ARCN1: variants seen among roughly 807,000 people sequenced by gnomAD.
ARCN1 encodes the protein archain 1 coat protein complex I subunit delta.
In ARCN1, 5 loss-of-function variants were observed where a neutral mutation model predicts 60.4. That is an observed-to-expected ratio of 0.08 (90% CI 0.04 to 0.17). The LOEUF is 0.17. Ranked by LOEUF, ARCN1 falls within the 10% of genes least tolerant of loss-of-function variation. The pLI, the probability that ARCN1 is intolerant of heterozygous loss-of-function variation, is 1.00. For missense variants in ARCN1, 464 were observed against 626.5 expected (o/e 0.74, Z 2.77); for synonymous variants, 224 against 220.0 (o/e 1.02, Z -0.16).
intron 1 of ARCN1, among the ~76,000 whole-genome samples, chr11:118,574,140 C>T (rs782081634): frequency 1.3e-5 from 2 of 152,002 alleles, no homozygotes; most frequent in Non-Finnish European, 2.9e-5. Context: ...GACATGTGTA[C>T]GTATACATAG....
chr11:118,581,937 G>GACACACACACAC (rs34532442), intron 2 of ARCN1, among the ~76,000 whole-genome samples: 2,265 of 140,776 alleles, frequency 0.016, 63 homozygotes, highest in African/African-American at 0.055. Context: ...CAGACAGACA[G>GACACACACACAC]ACACACACAC....
chr11:118,591,955 T>C (rs1167741816), intron 6 of ARCN1, among the ~76,000 whole-genome samples: 3 of 151,958 alleles, frequency 2.0e-5, no homozygotes, highest in Non-Finnish European at 1.5e-5. Context: ...AGTTTCACTC[T>C]TCCTGCCCAG....
At chr11:118,599,136 AG>A (rs1939095730) in intron 9 of ARCN1, among the ~76,000 whole-genome samples, 1 of 149,860 alleles carries the variant, frequency 6.7e-6, no homozygotes. Flanking sequence ...CTTGTTGCCC[AG>A]GCTGGAGTGC....
chr11:118,579,779 T>G (rs920281582), intron 1 of ARCN1, among the ~76,000 whole-genome samples: 7 of 152,138 alleles, frequency 4.6e-5, no homozygotes, highest in Non-Finnish European at 1.0e-4. Flanking sequence ...AAATAAAGTT[T>G]AATTTAGAAA....
chr11:118,583,984 A>G lies in ARCN1; in HGVS notation c.623A>G (p.Asp208Gly). 1.2e-6 allele frequency: 2 copies of G among 1,614,204 alleles called. No homozygotes were observed. Among genetic ancestry groups the G allele is most frequent in the Non-Finnish European group, 1.7e-6 (2 of 1,180,038 alleles). Residue 208 changes from aspartate to glycine, a missense_variant, in exon 4 of 10, where the codon GAT (aspartate) becomes GGT (glycine). Asp to Gly is a moderately conservative substitution (Grantham distance 94). Transcript: ENST00000264028. ...AMITETIIETDKPKVAPAPAR... is the reference protein window; with the variant it reads ...AMITETIIETGKPKVAPAPAR... ...ATCACAGAGACCATCATTGAAACTG[A>G]TAAACCAAAAGTGGCACCTGCACCA... is the stretch of plus-strand genomic sequence containing the variant.
At chr11:118,585,798 C>G (rs1192044946) in intron 5 of ARCN1, among the ~76,000 whole-genome samples, 2 of 152,164 alleles carry the variant, frequency 1.3e-5, no homozygotes, top group Non-Finnish European at 2.9e-5. Flanking sequence ...CTCGGCCTCA[C>G]AAAGTACTGG....
chr11:118,584,043 G>C (rs368134894), intron 4 of ARCN1, 29 bp downstream of exon 4: 1 of 1,599,890 alleles, frequency 6.3e-7, no homozygotes, highest in Admixed American at 1.7e-5. Flanking sequence ...TAGAATACCA[G>C]GTGAAGGGTG....
At position 118,598,025 on chromosome 11, in the gene ARCN1, A is replaced by C. The variant is rs542640680; in HGVS notation, c.1446+114A>C. On this transcript the variant is annotated intron_variant, in intron 9 of 9. Coordinates refer to ENST00000264028, the MANE Select transcript of ARCN1 (RefSeq NM_001655.5). The stretch of plus-strand genomic sequence containing the variant: ...TGTGGTCAGATAAAGCTCAGAAAAA[A>C]ACTGATGTCTCCTACAGGAATTCCC... 3.2e-5 allele frequency: 30 copies of C among 942,598 alleles called. 1 individual carries two copies. In the South Asian group the frequency reaches 4.7e-4, roughly 15 times the overall value. The allele number at this position is 942,598 out of a possible 1,614,324, so 58.4% of individuals were successfully genotyped here. A position where few individuals can be genotyped will look rare whatever the true frequency, so the allele number is the denominator to read the frequency against.
intron 1 of ARCN1, among the ~76,000 whole-genome samples, chr11:118,574,089 C>T (rs1938424433): frequency 6.6e-6 from 1 of 151,972 alleles, no homozygotes. Flanking sequence ...TGGTAAAGCC[C>T]TACGTGATAT....
chr11:118,580,960 C>T (rs1031258438), intron 1 of ARCN1, among the ~76,000 whole-genome samples: 2 of 152,138 alleles, frequency 1.3e-5, no homozygotes, highest in African/African-American at 4.8e-5. Flanking sequence ...TAGCGAGATA[C>T]TGTCTCTACT....
chr11:118,588,175 G>A (rs1938817863), intron 5 of ARCN1, among the ~76,000 whole-genome samples: 1 of 152,194 alleles, frequency 6.6e-6, no homozygotes, highest in African/African-American at 2.4e-5. Flanking sequence ...ATGCAGAAAT[G>A]TGACTGGGCA....
intron 9 of ARCN1, among the ~76,000 whole-genome samples, chr11:118,599,236 GCA>G (rs1939098293): frequency 6.6e-6 from 1 of 151,780 alleles, no homozygotes; most frequent in Non-Finnish European, 1.5e-5. Context: ...GGGACTACCG[GCA>G]TGCGCCACCA....
At chr11:118,578,823 A>AGG (rs1938581899) in intron 1 of ARCN1, among the ~76,000 whole-genome samples, 4 of 144,764 alleles carry the variant, frequency 2.8e-5, no homozygotes, top group Non-Finnish European at 6.0e-5. Context: ...TGTGCGGATC[A>AGG]CTTTAGCCCA....
intron 8 of ARCN1, among the ~76,000 whole-genome samples, chr11:118,596,544 C>A (rs929689511): frequency 2.6e-5 from 4 of 152,106 alleles, no homozygotes; most frequent in Non-Finnish European, 5.9e-5. Flanking sequence ...GAACCAGGAC[C>A]CTGAAATTGA....
In ARCN1 at chr11:118,599,186, AG is replaced by A. The variant is rs1555077714; in HGVS notation, c.1446+1277del. Among the ~76,000 whole-genome samples, 4 of 150,980 alleles carry A rather than the reference AG, an allele frequency of 2.6e-5. No homozygotes were observed. In the East Asian group the frequency reaches 5.9e-4, roughly 22 times the overall value. ...TGGTTCACTGCAACCTCTGCCTCCC[AG>A]GTTCAAGCGATTCTCCTGCCTCATC... On this transcript the variant is annotated intron_variant, in intron 9 of 9. Coordinates refer to ENST00000264028, the MANE Select transcript of ARCN1 (RefSeq NM_001655.5).
At chr11:118,572,676 G>A (rs1555072666) in intron 1 of ARCN1, 126 bp downstream of exon 1, 13 of 1,264,634 alleles carry the variant, frequency 1.0e-5, no homozygotes, top group South Asian at 1.4e-5. Flanking sequence ...CTTTTGCTCC[G>A]GGCTCGGGGA....
chr11:118,592,013 C>T (rs908517199), intron 6 of ARCN1, among the ~76,000 whole-genome samples: 7 of 149,768 alleles, frequency 4.7e-5, no homozygotes, highest in Non-Finnish European at 1.0e-4. Context: ...CTCTGCCTCC[C>T]GGGTTCAAGC....
chr11:118,580,092 G>A (rs555783507), intron 1 of ARCN1, among the ~76,000 whole-genome samples: 1 of 152,298 alleles, frequency 6.6e-6, no homozygotes, highest in East Asian at 1.9e-4. Flanking sequence ...GGAGGCCAAG[G>A]TGGGCTGATC....
rs1264308531 is a variant in ARCN1, at chr11:118,601,615, A to G, written c.*901A>G. On this transcript the variant is annotated 3_prime_UTR_variant, in exon 10 of 10. Coordinates refer to ENST00000264028, the MANE Select transcript of ARCN1 (RefSeq NM_001655.5). ...TATTCAGGTGAACTATTTGAGGGGT[A>G]TGGGGTCTAGAAGTTAAAAGATACG... 6 of 702,772 alleles carry G rather than the reference A, an allele frequency of 8.5e-6. No homozygotes were observed. The highest frequency in any genetic ancestry group is 2.0e-5 in the Admixed American group (1 of 50,000). The allele number at this position is 702,772 out of a possible 1,614,324, so 43.5% of individuals were successfully genotyped here.
Sources: gnomAD v4.1 joint callset for allele counts (sites outside exome capture counted in the v4.1 genomes callset) on GRCh38, gnomAD v4.1.1 for gene constraint, MANE v1.5 for transcripts, NCBI Gene and HGNC (gene_info 2026-07-23, HGNC 2026-07-21) for gene names.